The following FBN1 variants were observed in gnomAD, a reference collection of about 807,000 sequenced individuals.
The protein encoded by FBN1 is fibrillin-1.
In FBN1, 29 loss-of-function variants were observed where a neutral mutation model predicts 365.1. The observed-to-expected ratio is 0.08, with a 90% CI of 0.06 to 0.11. The LOEUF (loss-of-function observed/expected upper bound fraction) is 0.11. Ranked by LOEUF, FBN1 falls within the 10% of genes least tolerant of loss-of-function variation. FBN1 has a pLI of 1.00. For missense variants in FBN1, 2,476 were observed against 3,703.2 expected (o/e 0.67, Z 8.60); for synonymous variants, 1,210 against 1,270.5 (o/e 0.95, Z 1.01).
intron 4 of FBN1, among the ~76,000 whole-genome samples, chr15:48,608,541 T>C (rs1412262824): frequency 6.6e-6 from 1 of 152,188 alleles, no homozygotes; most frequent in Non-Finnish European, 1.5e-5. Context: ...ATCTTTAATT[T>C]TGCAAGCCAT....
intron 11 of FBN1, among the ~76,000 whole-genome samples, 191 bp downstream of exon 11, chr15:48,515,992 C>T (rs1322498463): frequency 6.6e-6 from 1 of 152,126 alleles, no homozygotes; most frequent in Non-Finnish European, 1.5e-5. Context: ...TAGGAAGCCT[C>T]CCGTTTTTCT....
At chr15:48,424,202 G>A (rs4473122) in intron 60 of FBN1, among the ~76,000 whole-genome samples, 3,755 of 152,288 alleles carry the variant, frequency 0.025, 82 homozygotes, top group East Asian at 0.082. Context: ...TGTTTAGAAT[G>A]TGTAAGTAGG....
chr15:48,633,452 T>C (rs1241337889), intron 2 of FBN1, among the ~76,000 whole-genome samples: 1 of 152,276 alleles, frequency 6.6e-6, no homozygotes, highest in East Asian at 1.9e-4. Context: ...AGTGTGAGTA[T>C]GTGTGTGGTG....
At chr15:48,502,941 T>C (rs2043673649) in intron 17 of FBN1, among the ~76,000 whole-genome samples, 1 of 152,252 alleles carries the variant, frequency 6.6e-6, no homozygotes, top group South Asian at 2.1e-4. Context: ...CTCTTTTCAT[T>C]AGGCCATGTC....
In FBN1 at chr15:48,495,504, T is replaced by C. The variant is rs755047716; in HGVS notation, c.2504A>G (p.Glu835Gly). 6.2e-7 allele frequency: 1 copy of C among 1,614,062 alleles called. No homozygotes were observed. The highest frequency in any genetic ancestry group is 1.7e-5 in the Admixed American group (1 of 60,026). The change falls in exon 21 of 66, where the codon GAA (glutamate) becomes GGA (glycine). Residue 835 changes from glutamate (E) to glycine (G), a missense_variant. Physicochemically the swap from Glu to Gly is moderately conservative, Grantham distance 98. This residue lies in a region of FBN1 where 1,780 missense variants were observed against 2,840.8 expected (regional missense o/e 0.63). Transcript: ENST00000316623. ...PGSFICECSSESTLDPTKTIC... is the reference protein window; with the variant it reads ...PGSFICECSSGSTLDPTKTIC... ...GGTTTTTGTTGGATCCAAAGTACTTTCAGAAGAACATTCACAAATAAAAGA... is the reference window on the plus strand; with the variant it reads ...GGTTTTTGTTGGATCCAAAGTACTTCCAGAAGAACATTCACAAATAAAAGA...
chr15:48,625,234 C>T (rs1205427116), intron 2 of FBN1, among the ~76,000 whole-genome samples: 1 of 152,136 alleles, frequency 6.6e-6, no homozygotes, highest in Non-Finnish European at 1.5e-5. Flanking sequence ...GGTCTCCAGA[C>T]CAGTCAAATA....
chr15:48,421,189 A>T (rs954195627), intron 62 of FBN1, among the ~76,000 whole-genome samples: 1 of 152,194 alleles, frequency 6.6e-6, no homozygotes, highest in East Asian at 1.9e-4. Context: ...TCATCAGAAG[A>T]GCTATTCCTC....
Position 48,409,615 on chromosome 15 carries a change from T to G in FBN1, c.*1375A>C, listed in dbSNP as rs1049315076. Reference sequence around the variant, plus strand: ...TACAGCAATTGGATACAGTCTGGGATTATCCCTTTGTAATTAGATGAGCAT... The same window carrying G: ...TACAGCAATTGGATACAGTCTGGGAGTATCCCTTTGTAATTAGATGAGCAT... On this transcript the variant is annotated 3_prime_UTR_variant, in exon 66 of 66. Coordinates refer to ENST00000316623, the MANE Select transcript of FBN1 (RefSeq NM_000138.5). The G allele has an allele frequency of 2.6e-5, 4 of 152,188 alleles. No individual in the cohort carries two copies. The highest frequency in any genetic ancestry group is 5.9e-5 in the Non-Finnish European group (4 of 68,032). The allele number at this position is 152,188 out of a possible 1,614,324, so 9.4% of individuals were successfully genotyped here.
rs1039608354 is a variant in FBN1 at position 48,508,853 on chromosome 15, A to G, written c.1715-149T>C. 1.1e-5 allele frequency: 10 copies of G among 950,330 alleles called. No individual in the cohort carries two copies. In the East Asian group the frequency reaches 2.4e-4, roughly 23 times the overall value. 58.9% of individuals were successfully genotyped at this position (950,330 alleles called of 1,614,324 possible). ...AACTTTCATCCAAATAAGATCATCT[A>G]AGGAAGGAGAAGATGGGACATATGA... is the stretch of plus-strand genomic sequence containing the variant. On this transcript the variant is annotated intron_variant, in intron 14 of 65. Transcript: ENST00000316623.
chr15:48,626,420 C>T (rs1156504261), intron 2 of FBN1, among the ~76,000 whole-genome samples: 1 of 152,148 alleles, frequency 6.6e-6, no homozygotes, highest in East Asian at 1.9e-4. Context: ...TTCCATGTTT[C>T]AGTTGCATCA....
At chr15:48,565,955 G>A (rs1350052786) in intron 6 of FBN1, among the ~76,000 whole-genome samples, 3 of 152,106 alleles carry the variant, frequency 2.0e-5, no homozygotes, top group African/African-American at 7.2e-5. Context: ...TAAATCTTTT[G>A]GAAGAATTGA....
At position 48,428,339 on chromosome 15, in the gene FBN1, T is replaced by C. The variant is rs2042997177; in HGVS notation, c.6997+7A>G. On this transcript the variant is annotated splice_region_variant and intron_variant, in intron 57 of 65. Coordinates refer to ENST00000316623, the MANE Select transcript of FBN1 (RefSeq NM_000138.5). ...GGTTAGGAAAGTGCGGTGCCAACTG[T>C]ACTCACCAAGGCACTCGTCCTGGTT... 1 of 1,613,822 alleles carries C rather than the reference T, an allele frequency of 6.2e-7. No individual in the cohort carries two copies. The highest frequency in any genetic ancestry group is 8.5e-7 in the Non-Finnish European group (1 of 1,179,948).
At chr15:48,629,263 C>G (rs561958694) in intron 2 of FBN1, among the ~76,000 whole-genome samples, 1 of 152,236 alleles carries the variant, frequency 6.6e-6, no homozygotes, top group Admixed American at 6.5e-5. Context: ...CATCATGGAC[C>G]AGTAACAGGA....
intron 30 of FBN1, 85 bp downstream of exon 30, chr15:48,485,289 C>A (rs1420524466): frequency 3.2e-5 from 50 of 1,584,130 alleles, no homozygotes; most frequent in Non-Finnish European, 4.2e-5. Flanking sequence ...TGGACTCAAG[C>A]CTGCTTGACT....
chr15:48,515,668 A>C, intron 11 of FBN1, 141 bp from the exon 12 acceptor site: 1 of 1,109,634 alleles, frequency 9.0e-7, no homozygotes, highest in Non-Finnish European at 1.3e-6. Context: ...GTGACAACAG[A>C]GCATATTTCC....
rs1555396453 is a variant in FBN1, at chr15:48,456,843, C to CGCGT, written c.5297-82_5297-81insACGC. 10 of 744,728 alleles carry CGCGT rather than the reference C, an allele frequency of 1.3e-5. No homozygotes were observed. In the East Asian group the frequency reaches 1.9e-4, roughly 14 times the overall value. 46.1% of individuals were successfully genotyped at this position (744,728 alleles called of 1,614,324 possible). ...GGTAAGACAAGATGGAAAGTGCGTG[C>CGCGT]GTGTGTGTGTGTGTGTGTGTGTGTG... On this transcript the variant is annotated intron_variant, in intron 43 of 65. Coordinates refer to ENST00000316623, the MANE Select transcript of FBN1 (RefSeq NM_000138.5).
rs773653099 is a variant in FBN1, at chr15:48,411,051, T to C, written c.8555A>G (p.Asp2852Gly). 3.7e-6 allele frequency: 6 copies of C among 1,613,954 alleles called. No homozygotes were observed. The South Asian group carries it at 6.6e-5, about 18-fold the overall frequency. Residue 2852 changes from aspartate to glycine, a missense_variant, in exon 66 of 66, where the codon GAC (aspartate) becomes GGC (glycine). Physicochemically the swap from Asp to Gly is moderately conservative, Grantham distance 94. This residue lies in a region of FBN1 where 177 missense variants were observed against 192.7 expected (regional missense o/e 0.92). Transcript: ENST00000316623. Reference sequence around the variant, plus strand: ...ATCACCCAGTTCACCACTGAGGTAGTCTTTGTCATATTTGTCTTCTAGTTG... The same window carrying C: ...ATCACCCAGTTCACCACTGAGGTAGCCTTTGTCATATTTGTCTTCTAGTTG... ...LNQLEDKYDK[D>G]YLSGELGDNL...
In FBN1 at chr15:48,494,492, C is replaced by T. The variant is rs538300225; in HGVS notation, c.2678-238G>A. The stretch of plus-strand genomic sequence containing the variant: ...ACTAAGATACTCCAAAAGACACAGA[C>T]GTGCCCTATAGATCATGTTAAAGTG... On this transcript the variant is annotated intron_variant, in intron 22 of 65. Transcript: ENST00000316623. 2.0e-5 allele frequency among the ~76,000 whole-genome samples: 3 copies of T among 152,258 alleles called. No homozygotes were observed. The South Asian group carries it at 6.2e-4, about 32-fold the overall frequency.
intron 4 of FBN1, among the ~76,000 whole-genome samples, chr15:48,607,031 G>C (rs1052670443): frequency 4.6e-5 from 7 of 152,080 alleles, no homozygotes; most frequent in Non-Finnish European, 8.8e-5. Context: ...GCCATGCTCT[G>C]GACTTCCCAG....
Sources: gnomAD v4.1 joint callset for allele counts (sites outside exome capture counted in the v4.1 genomes callset) on GRCh38, gnomAD v4.1.1 for gene constraint, gnomAD v4.1.1 regional missense constraint, MANE v1.5 for transcripts, NCBI Gene and HGNC (gene_info 2026-07-23, HGNC 2026-07-21) for gene names.